STX8: variants seen among roughly 807,000 people sequenced by gnomAD.
STX8 encodes syntaxin-8.
Under a neutral mutation model 37.5 loss-of-function variants are expected in STX8, and 23 were observed. The observed-to-expected ratio is 0.61, with a 90% CI of 0.44 to 0.87. The LOEUF is 0.87. STX8 is among the 40% of genes least tolerant of loss of function. The pLI, the probability that STX8 is intolerant of heterozygous loss-of-function variation, is 0.00. For synonymous variants in STX8, 115 were observed against 99.1 expected, an observed-to-expected ratio of 1.16 and a Z score of -0.95; for missense variants, 313 against 284.7, an observed-to-expected ratio of 1.10 and a Z score of -0.71.
chr17:9,380,266 T>G (rs1379652355), intron 6 of STX8, among the ~76,000 whole-genome samples: 2 of 147,548 alleles, frequency 1.4e-5, no homozygotes, highest in Non-Finnish European at 3.0e-5. Flanking sequence ...TTTTTTTTTT[T>G]TTTTTTTTTT....
At chr17:9,276,377 A>G (rs1907676702) in intron 7 of STX8, among the ~76,000 whole-genome samples, 1 of 152,130 alleles carries the variant, frequency 6.6e-6, no homozygotes, top group African/African-American at 2.4e-5. Flanking sequence ...CCCCAACCAA[A>G]AGATGTCCCA....
At chr17:9,280,942 A>G (rs1229387740) in intron 7 of STX8, among the ~76,000 whole-genome samples, 1 of 152,196 alleles carries the variant, frequency 6.6e-6, no homozygotes, top group Non-Finnish European at 1.5e-5. Flanking sequence ...AAGATGTTGG[A>G]TGCAGAGTTG....
chr17:9,432,632 A>C (rs1237460215), intron 6 of STX8, among the ~76,000 whole-genome samples: 1 of 152,198 alleles, frequency 6.6e-6, no homozygotes, highest in Non-Finnish European at 1.5e-5. Flanking sequence ...GTCTCTCATA[A>C]ACTAGAAAGT....
chr17:9,567,735 G>A (rs960124277), intron 2 of STX8, among the ~76,000 whole-genome samples: 5 of 152,170 alleles, frequency 3.3e-5, no homozygotes, highest in Non-Finnish European at 7.3e-5. Flanking sequence ...TGCCCAGGCG[G>A]GAGTGCAGTG....
chr17:9,455,044 C>T (rs1430632869), intron 6 of STX8, among the ~76,000 whole-genome samples: 2 of 151,950 alleles, frequency 1.3e-5, no homozygotes, highest in South Asian at 2.1e-4. Context: ...AGCAAAACCC[C>T]GTCTCTACAA....
intron 6 of STX8, among the ~76,000 whole-genome samples, chr17:9,484,976 C>T (rs1906520774): frequency 6.6e-6 from 1 of 152,118 alleles, no homozygotes; most frequent in African/African-American, 2.4e-5. Flanking sequence ...ATCAGGAAGG[C>T]ATTGGGAGGG....
chr17:9,311,604 CAG>C (rs1909190793), intron 7 of STX8, among the ~76,000 whole-genome samples: 1 of 152,136 alleles, frequency 6.6e-6, no homozygotes, highest in Non-Finnish European at 1.5e-5. Flanking sequence ...GGAATATAAA[CAG>C]AGTCTAGTTA....
At position 9,260,627 on chromosome 17, in the gene STX8, A is replaced by AAAACAAACAAAC. The variant is rs142433582; in HGVS notation, c.644-9994_644-9983dup. 2.9e-5 allele frequency among the ~76,000 whole-genome samples: 4 copies of AAAACAAACAAAC among 139,152 alleles called. No homozygotes were observed. The East Asian group carries it at 5.8e-4, about 20-fold the overall frequency. The allele number at this position is 139,152 out of a possible 152,430, so 91.3% of individuals were successfully genotyped here. On this transcript the variant is annotated intron_variant, in intron 7 of 7. Coordinates refer to ENST00000306357, the MANE Select transcript of STX8 (RefSeq NM_004853.3). The stretch of plus-strand genomic sequence containing the variant: ...CAACAGAGTGAGACTCCGTCTCAGA[A>AAAACAAACAAAC]AAACAAACAAACAAACAAACAAACA...
intron 4 of STX8, among the ~76,000 whole-genome samples, chr17:9,544,024 C>T (rs1213131495): frequency 2.6e-5 from 4 of 152,112 alleles, no homozygotes; most frequent in Non-Finnish European, 5.9e-5. Context: ...CCTCCCTGCC[C>T]CTCTGCCCCT....
intron 3 of STX8, among the ~76,000 whole-genome samples, chr17:9,547,642 A>AAAAAAG (rs10694244): frequency 0.4 from 44,342 of 109,870 alleles, 11,729 homozygotes; most frequent in Admixed American, 0.52. Context: ...AAAAAAAAGA[A>AAAAAAG]AAAAGAAAAG....
intron 3 of STX8, chr17:9,557,082 T>A (rs1243580313): frequency 1.1e-5 from 2 of 188,008 alleles, no homozygotes; most frequent in African/African-American, 4.6e-5. Context: ...CTTAGGATGA[T>A]CATGGAAGTT....
intron 6 of STX8, among the ~76,000 whole-genome samples, chr17:9,393,327 A>T (rs1488384653): frequency 6.6e-6 from 1 of 152,218 alleles, no homozygotes; most frequent in Non-Finnish European, 1.5e-5. Context: ...TGTTGTCAAC[A>T]GATCTACTCT....
At chr17:9,331,883 G>GA (rs201262508) in intron 7 of STX8, among the ~76,000 whole-genome samples, 248 of 149,554 alleles carry the variant, frequency 1.7e-3, no homozygotes, top group African/African-American at 5.8e-3. Context: ...GTATGGAAAG[G>GA]AAAAAAAAAA....
chr17:9,405,106 G>A (rs1273833740), intron 6 of STX8, among the ~76,000 whole-genome samples: 1 of 152,086 alleles, frequency 6.6e-6, no homozygotes, highest in African/African-American at 2.4e-5. Flanking sequence ...ATTGTTTTGG[G>A]CTTGATGGCT....
intron 7 of STX8, among the ~76,000 whole-genome samples, chr17:9,343,640 A>T (rs973893050): frequency 6.6e-6 from 1 of 152,096 alleles, no homozygotes; most frequent in African/African-American, 2.4e-5. Flanking sequence ...GTGGTGATGG[A>T]TGTCAAACCT....
intron 7 of STX8, among the ~76,000 whole-genome samples, chr17:9,282,602 T>C (rs1419849658): frequency 6.6e-6 from 1 of 152,220 alleles, no homozygotes; most frequent in Admixed American, 6.5e-5. Context: ...AATGAAACGT[T>C]AGTGTCTCCA....
chr17:9,314,109 T>A (rs532933195), intron 7 of STX8, among the ~76,000 whole-genome samples: 1 of 152,236 alleles, frequency 6.6e-6, no homozygotes, highest in African/African-American at 2.4e-5. Flanking sequence ...TATGATCTAC[T>A]GACTTCTGTA....
chr17:9,414,593 T>C (rs942017294), intron 6 of STX8, among the ~76,000 whole-genome samples: 1 of 152,020 alleles, frequency 6.6e-6, no homozygotes, highest in Non-Finnish European at 1.5e-5. Context: ...GAGTAAACTG[T>C]CTGAGGTACT....
chr17:9,264,891 A>C (rs1342736529), intron 7 of STX8, among the ~76,000 whole-genome samples: 1 of 151,948 alleles, frequency 6.6e-6, no homozygotes, highest in African/African-American at 2.4e-5. Flanking sequence ...AGGTGGGAGG[A>C]TCTCTTGGGC....
Sources: gnomAD v4.1 joint callset for allele counts (sites outside exome capture counted in the v4.1 genomes callset) on GRCh38, gnomAD v4.1.1 for gene constraint, MANE v1.5 for transcripts, NCBI Gene and HGNC (gene_info 2026-07-23, HGNC 2026-07-21) for gene names.